TENM4: variants seen among roughly 807,000 people sequenced by gnomAD.
TENM4 encodes the protein teneurin transmembrane protein 4, also known as teneurin-4.
Under a neutral mutation model 243.3 loss-of-function variants are expected in TENM4, and 82 were observed. The observed-to-expected ratio is 0.34, with a 90% CI of 0.28 to 0.40. The LOEUF (loss-of-function observed/expected upper bound fraction) is 0.40, where lower values mean the gene tolerates loss of function less well. Among genes scored for constraint, TENM4 ranks in the 10% least tolerant of loss-of-function variants. The pLI, the probability that TENM4 is intolerant of heterozygous loss-of-function variation, is 1.00. For missense variants in TENM4, 3,138 were observed against 3,673.3 expected (o/e 0.85, Z 3.77); for synonymous variants, 1,412 against 1,456.3 (o/e 0.97, Z 0.69).
chr11:79,395,857 G>C (rs1414552993), intron 1 of TENM4, among the ~76,000 whole-genome samples: 13 of 152,146 alleles, frequency 8.5e-5, no homozygotes, highest in Non-Finnish European at 1.8e-4. Flanking sequence ...CTGTACTCAG[G>C]ATACAGAGAT....
chr11:78,658,524 T>G lies in TENM4; in HGVS notation c.7844A>C (p.Asp2615Ala), dbSNP rs1175699698. 6.2e-7 allele frequency: 1 copy of G among 1,614,028 alleles called. No individual in the cohort carries two copies. Among genetic ancestry groups the G allele is most frequent in the Non-Finnish European group, 8.5e-7 (1 of 1,179,886 alleles). ...TCCTGGTTTCACAAAGTAATGGGTA[T>G]CCACCCCATCAATGGTGAAGTGCAG... ...ENLHFTIDGV[D>A]THYFVKPGPS... The change falls in exon 34 of 34, where the codon GAT becomes GCT. Residue 2615 changes from aspartate (D) to alanine (A), a missense_variant. Asp to Ala is a moderately radical substitution (Grantham distance 126). Transcript: ENST00000278550.
At chr11:79,155,902 C>T (rs192969305) in intron 3 of TENM4, among the ~76,000 whole-genome samples, 1 of 152,038 alleles carries the variant, frequency 6.6e-6, no homozygotes, top group African/African-American at 2.4e-5. Flanking sequence ...TTCCTTGACC[C>T]TCATTTCTTC....
In TENM4 at chr11:78,948,530, G is replaced by A. The variant is rs1463403634; in HGVS notation, c.494-45007C>T. Reference sequence around the variant, plus strand: ...CTGGACTACAGGCACCCGCCACCGCGCCTGGCTAATTTTTGTATTTTTAGT... The same window carrying A: ...CTGGACTACAGGCACCCGCCACCGCACCTGGCTAATTTTTGTATTTTTAGT... On this transcript the variant is annotated intron_variant, in intron 6 of 33. Coordinates refer to ENST00000278550, the MANE Select transcript of TENM4 (RefSeq NM_001098816.3). Among the ~76,000 whole-genome samples the A allele has an allele frequency of 4.6e-5, 7 of 152,174 alleles. No homozygotes were observed. In the East Asian group the frequency reaches 5.8e-4, roughly 13 times the overall value.
chr11:79,125,631 C>A (rs1325287039), intron 4 of TENM4, among the ~76,000 whole-genome samples: 2 of 152,066 alleles, frequency 1.3e-5, no homozygotes, highest in Non-Finnish European at 2.9e-5. Context: ...ACTTTTTTGC[C>A]AGAAGAAACA....
At chr11:79,079,831 CAAAAAAAAA>C (rs34296723) in intron 4 of TENM4, among the ~76,000 whole-genome samples, 1 of 114,648 alleles carries the variant, frequency 8.7e-6, no homozygotes, top group Non-Finnish European at 1.8e-5. Context: ...CACTTTGTTT[CAAAAAAAAA>C]AAAAAAAAAG....
At chr11:79,327,341 C>A (rs373879934) in intron 1 of TENM4, among the ~76,000 whole-genome samples, 2 of 152,170 alleles carry the variant, frequency 1.3e-5, no homozygotes, top group African/African-American at 4.8e-5. Context: ...AGTCAATTAC[C>A]TTTCATTTCA....
At chr11:78,755,504 C>T (rs1856286404) in intron 19 of TENM4, among the ~76,000 whole-genome samples, 2 of 152,122 alleles carry the variant, frequency 1.3e-5, no homozygotes, top group Non-Finnish European at 2.9e-5. Flanking sequence ...ATGGTTTCAA[C>T]TGCTTGTTCA....
intron 1 of TENM4, among the ~76,000 whole-genome samples, chr11:79,327,648 G>C (rs1428967873): frequency 1.1e-5 from 1 of 92,576 alleles, no homozygotes; most frequent in South Asian, 4.7e-4. Context: ...GAATTGGAAA[G>C]CTTTTTTTTT....
At chr11:79,228,617 T>A (rs900726336) in intron 2 of TENM4, among the ~76,000 whole-genome samples, 3 of 151,998 alleles carry the variant, frequency 2.0e-5, no homozygotes, top group African/African-American at 7.3e-5. Flanking sequence ...AGAAGCCAAG[T>A]TGGAAAACAA....
intron 6 of TENM4, among the ~76,000 whole-genome samples, chr11:78,991,535 C>T (rs1036938813): frequency 3.9e-5 from 6 of 152,208 alleles, no homozygotes; most frequent in African/African-American, 1.4e-4. Context: ...GGTATTCTCC[C>T]TATTTTACAG....
At position 79,064,952 on chromosome 11, in the gene TENM4, C is replaced by G. The variant is rs746756934; in HGVS notation, c.279G>C (p.Gly93=). ...GGCCAATGTCTGTCCGGTACAGGGT[C>G]CCGTGAGGGGGCGTTACTTCTTCCA... ...LGLEEVTPPH[G]TLYRTDIGLP... is the part of the protein sequence containing the mutation. Residue 93 remains glycine (G), a synonymous_variant, in exon 6 of 34, where the codon GGG becomes GGC. Coordinates refer to ENST00000278550, the MANE Select transcript of TENM4 (RefSeq NM_001098816.3). The G allele has an allele frequency of 7.0e-5, 105 of 1,493,272 alleles. No individual in the cohort carries two copies. The highest frequency in any genetic ancestry group is 9.3e-5 in the Non-Finnish European group (104 of 1,115,636). 92.5% of individuals were successfully genotyped at this position (1,493,272 alleles called of 1,614,324 possible). A position where few individuals can be genotyped will look rare whatever the true frequency, so the allele number is the denominator to read the frequency against.
At chr11:79,202,110 G>C (rs2135192470) in intron 3 of TENM4, among the ~76,000 whole-genome samples, 2 of 152,284 alleles carry the variant, frequency 1.3e-5, no homozygotes, top group East Asian at 3.9e-4. Flanking sequence ...ATGTGAGTCT[G>C]TTTGGGGCAT....
intron 8 of TENM4, among the ~76,000 whole-genome samples, chr11:78,890,483 G>A (rs1424624620): frequency 1.3e-5 from 2 of 152,210 alleles, no homozygotes; most frequent in Non-Finnish European, 2.9e-5. Context: ...TCTGTTGCCG[G>A]TGTATCTCAA....
chr11:78,905,385 G>A (rs573748997), intron 6 of TENM4, among the ~76,000 whole-genome samples: 1 of 152,302 alleles, frequency 6.6e-6, no homozygotes, highest in South Asian at 2.1e-4. Flanking sequence ...AGCCAATCTG[G>A]TGGGGAATTC....
At chr11:79,095,366 C>A (rs1861052742) in intron 4 of TENM4, among the ~76,000 whole-genome samples, 1 of 152,180 alleles carries the variant, frequency 6.6e-6, no homozygotes, top group Admixed American at 6.5e-5. Context: ...TTGCACAGTA[C>A]CCCACACTTA....
In TENM4 at chr11:78,945,274, ATTG is replaced by A. The variant is rs1225088274; in HGVS notation, c.494-41754_494-41752del. ...CATGTTTCTGTTTCTCATTTTGGTA[ATTG>A]TTGTAACATTTCAAATGTTTAAACT... On this transcript the variant is annotated intron_variant, in intron 6 of 33. Coordinates refer to ENST00000278550, the MANE Select transcript of TENM4 (RefSeq NM_001098816.3). 2.0e-5 allele frequency among the ~76,000 whole-genome samples: 3 copies of A among 152,182 alleles called. No individual in the cohort carries two copies. In the East Asian group the frequency reaches 5.8e-4, roughly 29 times the overall value.
At chr11:79,263,211 T>G (rs144870530) in intron 2 of TENM4, among the ~76,000 whole-genome samples, 4 of 152,202 alleles carry the variant, frequency 2.6e-5, no homozygotes, top group African/African-American at 4.8e-5. Flanking sequence ...TGTCCACAAC[T>G]GTGGGCCCCG....
chr11:78,904,637 C>T (rs1053845881), intron 6 of TENM4, among the ~76,000 whole-genome samples: 4 of 152,208 alleles, frequency 2.6e-5, no homozygotes, highest in African/African-American at 9.7e-5. Flanking sequence ...CTCACAACCA[C>T]TGCAGAGTAG....
In TENM4 at chr11:78,668,983, G is replaced by A; in HGVS notation, c.7362C>T (p.Asn2454=). The change falls in exon 32 of 34, where the codon AAC becomes AAT. Residue 2454 remains asparagine (N), a synonymous_variant. Transcript: ENST00000278550. ...CCTGGGAGTTGCTGATGGGGTTGTT[G>A]TTTTTGAACATATAGAGATTAAAAG... ...VMPFNLYMFK[N]NNPISNSQDI... is the part of the protein sequence containing the mutation. The A allele has an allele frequency of 6.2e-7, 1 of 1,613,944 alleles. No individual in the cohort carries two copies. Among genetic ancestry groups the A allele is most frequent in the Non-Finnish European group, 8.5e-7 (1 of 1,179,882 alleles).
Sources: allele counts gnomAD v4.1 joint callset (sites outside exome capture counted in the v4.1 genomes callset), GRCh38; gene constraint gnomAD v4.1.1; transcripts MANE v1.5; gene names NCBI Gene and HGNC (gene_info 2026-07-23, HGNC 2026-07-21).